ALOX5: variants seen among roughly 807,000 people sequenced by gnomAD.
ALOX5 encodes polyunsaturated fatty acid 5-lipoxygenase.
Under a neutral mutation model 87.9 loss-of-function variants are expected in ALOX5, and 64 were observed. The observed-to-expected ratio is 0.73, with a 90% CI of 0.60 to 0.90. The LOEUF is 0.90. Among genes scored for constraint, ALOX5 ranks in the 40% least tolerant of loss-of-function variants. The pLI, the probability that ALOX5 is intolerant of heterozygous loss-of-function variation, is 0.00. For missense variants in ALOX5, 822 were observed against 907.5 expected (o/e 0.91, Z 1.21); for synonymous variants, 388 against 355.1 (o/e 1.09, Z -1.04).
At chr10:45,422,237 G>A (rs1164363810) in intron 4 of ALOX5, among the ~76,000 whole-genome samples, 2 of 152,114 alleles carry the variant, frequency 1.3e-5, no homozygotes, top group Non-Finnish European at 2.9e-5. Context: ...AACAGAGCTG[G>A]GATGTCACCA....
Position 45,408,600 on chromosome 10 carries a change from TC to T in ALOX5, c.432-3590del, listed in dbSNP as rs530431427. Among the ~76,000 whole-genome samples, 334 of 152,292 alleles carry T rather than the reference TC, an allele frequency of 2.2e-3. 1 individual carries two copies. The highest frequency in any genetic ancestry group is 7.6e-3 in the African/African-American group (317 of 41,562). On this transcript the variant is annotated intron_variant, in intron 3 of 13. Coordinates refer to ENST00000374391, the MANE Select transcript of ALOX5 (RefSeq NM_000698.5). ...AGAGTCTGTTCTAATGGGCTTAACATCTCTGTGTTGATGTGAATGCTGATCA... is the reference window on the plus strand; with the variant it reads ...AGAGTCTGTTCTAATGGGCTTAACATTCTGTGTTGATGTGAATGCTGATCA...
At chr10:45,438,577 A>T (rs1842128356) in intron 7 of ALOX5, among the ~76,000 whole-genome samples, 1 of 152,130 alleles carries the variant, frequency 6.6e-6, no homozygotes, top group Non-Finnish European at 1.5e-5. Context: ...GACATGTCAG[A>T]AAGTGTCTCA....
intron 4 of ALOX5, 34 bp downstream of exon 4, chr10:45,412,347 C>A (rs1367150416): frequency 2.5e-6 from 4 of 1,611,528 alleles, no homozygotes; most frequent in African/African-American, 1.3e-5. Context: ...CTCTGGGCAG[C>A]CCCTCCAGTG....
intron 2 of ALOX5, among the ~76,000 whole-genome samples, chr10:45,393,656 G>A (rs1840384499): frequency 6.6e-6 from 1 of 152,212 alleles, no homozygotes; most frequent in Non-Finnish European, 1.5e-5. Context: ...AAAAGAGGAA[G>A]TCAAATTGTC....
intron 4 of ALOX5, among the ~76,000 whole-genome samples, chr10:45,419,424 C>G (rs1309428935): frequency 1.3e-5 from 2 of 151,562 alleles, no homozygotes; most frequent in Admixed American, 6.6e-5. Context: ...GAGTGACTCC[C>G]GACAAGGGAC....
intron 7 of ALOX5, among the ~76,000 whole-genome samples, chr10:45,436,169 A>G (rs1000148969): frequency 6.6e-6 from 1 of 152,170 alleles, no homozygotes; most frequent in Non-Finnish European, 1.5e-5. Context: ...TTGTGGATGC[A>G]TAGTTGCAAA....
chr10:45,391,917 G>C (rs1163245970), intron 2 of ALOX5, among the ~76,000 whole-genome samples: 2 of 115,222 alleles, frequency 1.7e-5, no homozygotes, highest in Admixed American at 8.2e-5. Context: ...GAGCCCCTCC[G>C]CCCGGCAGCC....
chr10:45,445,693 C>CT lies in ALOX5; in HGVS notation c.*7dup. Reference sequence around the variant, plus strand: ...CGAACAGTGTGGCCATCTGAGCACACTGCCAGTCTCACTGTGGGAAGGCCA... The same window carrying CT: ...CGAACAGTGTGGCCATCTGAGCACACTTGCCAGTCTCACTGTGGGAAGGCCA... On this transcript the variant is annotated 3_prime_UTR_variant, in exon 14 of 14. Coordinates refer to ENST00000374391, the MANE Select transcript of ALOX5 (RefSeq NM_000698.5). 1 of 1,600,394 alleles carries CT rather than the reference C, an allele frequency of 6.2e-7. No homozygotes were observed. Among genetic ancestry groups the CT allele is most frequent in the Non-Finnish European group, 8.6e-7 (1 of 1,169,084 alleles).
Position 45,424,188 on chromosome 10 carries a change from G to A in ALOX5, c.661+41G>A, listed in dbSNP as rs757339018. On this transcript the variant is annotated intron_variant, in intron 5 of 13. Coordinates refer to ENST00000374391, the MANE Select transcript of ALOX5 (RefSeq NM_000698.5). ...GGGGCCCAAGTGGTGCTGGGGACAG[G>A]GGATGCTGCTCTCCTGTCTGATACT... 7.3e-6 allele frequency: 11 copies of A among 1,507,322 alleles called. No homozygotes were observed. The South Asian group carries it at 1.1e-4, about 15-fold the overall frequency. The allele number at this position is 1,507,322 out of a possible 1,614,324, so 93.4% of individuals were successfully genotyped here. A position where few individuals can be genotyped will look rare whatever the true frequency, so the allele number is the denominator to read the frequency against.
At chr10:45,435,938 A>T (rs1285989260) in intron 7 of ALOX5, among the ~76,000 whole-genome samples, 2 of 152,224 alleles carry the variant, frequency 1.3e-5, no homozygotes, top group Non-Finnish European at 2.9e-5. Context: ...TCCTGCCAAC[A>T]TCTGTCATTT....
chr10:45,445,419 C>T (rs550711324), intron 13 of ALOX5, 89 bp from the exon 14 acceptor site: 38 of 1,462,490 alleles, frequency 2.6e-5, no homozygotes, highest in Non-Finnish European at 3.1e-5. Flanking sequence ...ATCTCCCAAA[C>T]GGTGGCTGGC....
chr10:45,444,956 C>T (rs1371916262), intron 13 of ALOX5: 1 of 154,384 alleles, frequency 6.5e-6, no homozygotes, highest in African/African-American at 2.4e-5. Context: ...TGGACCTTTC[C>T]AGCTCAGAAG....
intron 3 of ALOX5, among the ~76,000 whole-genome samples, chr10:45,405,453 C>T (rs1840844932): frequency 6.6e-6 from 1 of 152,118 alleles, no homozygotes; most frequent in African/African-American, 2.4e-5. Flanking sequence ...CTTTTTTTCC[C>T]TATTGTTCTT....
chr10:45,444,123 G>A lies in ALOX5; in HGVS notation c.1682G>A (p.Trp561Ter). The A allele has an allele frequency of 6.5e-7, 1 of 1,543,732 alleles. No homozygotes were observed. The highest frequency in any genetic ancestry group is 8.8e-7 in the Non-Finnish European group (1 of 1,142,348). ...TGGCGGTCGTCTCCGCAGTACGACT[G>A]GTGCTCCTGGATCCCCAATGCGCCC... is the stretch of plus-strand genomic sequence containing the variant. Reference protein sequence around the residue: ...HAAVNFGQYDWCSWIPNAPPT... With the variant: ...HAAVNFGQYD Residue 561 changes from tryptophan to a stop codon, truncating the protein, a stop_gained, in exon 13 of 14, where the codon TGG becomes TAG. Transcript: ENST00000374391. LOFTEE classifies it high-confidence loss of function.
chr10:45,409,563 C>T (rs1245112291), intron 3 of ALOX5, among the ~76,000 whole-genome samples: 1 of 150,370 alleles, frequency 6.7e-6, no homozygotes. Context: ...CTTTCTCTCT[C>T]TCTCTTTCTC....
At chr10:45,419,539 G>A (rs1338316664) in intron 4 of ALOX5, among the ~76,000 whole-genome samples, 4 of 152,210 alleles carry the variant, frequency 2.6e-5, no homozygotes, top group Non-Finnish European at 5.9e-5. Flanking sequence ...CACATGCCCC[G>A]TGCTCCAGAC....
Position 45,440,568 on chromosome 10 carries a change from C to CT in ALOX5, c.1121dup (p.Val375GlyfsTer3), listed in dbSNP as rs754005003. The CT allele has an allele frequency of 6.2e-7, 1 of 1,614,202 alleles. No individual in the cohort carries two copies. Among genetic ancestry groups the CT allele is most frequent in the South Asian group, 1.1e-5 (1 of 91,082 alleles). On this transcript the variant is annotated frameshift_variant, in exon 8 of 14. Coordinates refer to ENST00000374391, the MANE Select transcript of ALOX5 (RefSeq NM_000698.5). LOFTEE classifies it high-confidence loss of function. ...CATCACCCACCTTCTGCGAACACAT[C>CT]TGGTGTCTGAGGTTTTTGGCATTGC...
chr10:45,405,339 C>T (rs150215207), intron 3 of ALOX5, among the ~76,000 whole-genome samples: 31 of 152,324 alleles, frequency 2.0e-4, no homozygotes, highest in African/African-American at 7.5e-4. Flanking sequence ...TGTCAGTACC[C>T]GATGACCTTG....
At chr10:45,403,676 T>C (rs1840780938) in intron 3 of ALOX5, among the ~76,000 whole-genome samples, 4 of 152,200 alleles carry the variant, frequency 2.6e-5, no homozygotes, top group Admixed American at 2.6e-4. Context: ...GCATCAAGTG[T>C]GGGAGAGTAA....
Sources: allele counts gnomAD v4.1 joint callset (sites outside exome capture counted in the v4.1 genomes callset), GRCh38; gene constraint gnomAD v4.1.1; transcripts MANE v1.5; gene names NCBI Gene and HGNC (gene_info 2026-07-23, HGNC 2026-07-21).